Variants in CELF1 observed in about 807,000 individuals in gnomAD.
CELF1 encodes 50 kDa nuclear polyadenylated RNA-binding protein.
CELF1 carries 10 observed loss-of-function variants against 61.8 expected under a neutral mutation model. The observed-to-expected ratio is 0.16, with a 90% CI of 0.10 to 0.27. CELF1 has a LOEUF of 0.27. CELF1 is among the 10% of genes least tolerant of loss of function. The pLI is 1.00. For synonymous variants in CELF1, 236 were observed against 225.1 expected (o/e 1.05, Z -0.43); for missense variants, 380 against 639.1 (o/e 0.59, Z 4.37).
chr11:47,502,908 A>G (rs1390853429), intron 1 of CELF1, among the ~76,000 whole-genome samples: 2 of 152,202 alleles, frequency 1.3e-5, no homozygotes, highest in African/African-American at 4.8e-5. Context: ...AGGAGGGGTT[A>G]TAACCAAGGG....
intron 1 of CELF1, among the ~76,000 whole-genome samples, chr11:47,502,441 G>C (rs1294341839): frequency 1.3e-5 from 2 of 152,110 alleles, no homozygotes; most frequent in Non-Finnish European, 2.9e-5. Context: ...ATACAAAAAT[G>C]CAAATATTAA....
In CELF1 at chr11:47,545,870, C is replaced by CGT. The variant is rs71042682; in HGVS notation, c.-154+7120_-154+7121dup. ...GTATACGTGTGTGTGTGTGTGTCTG[C>CGT]GTGTGTGTGTGTGTGTGTGTGTGTG... is the stretch of plus-strand genomic sequence containing the variant. On this transcript the variant is annotated intron_variant, in intron 1 of 14. Coordinates refer to ENST00000687097, the MANE Select transcript of CELF1 (RefSeq NM_001376376.1). Among the ~76,000 whole-genome samples the CGT allele has an allele frequency of 1.0e-3, 94 of 91,784 alleles. 1 individual carries two copies. Among genetic ancestry groups the CGT allele is most frequent in the African/African-American group, 4.1e-3 (90 of 21,696 alleles). The allele number at this position is 91,784 out of a possible 152,430, so 60.2% of individuals were successfully genotyped here.
chr11:47,472,004 T>A lies in CELF1; in HGVS notation c.*226A>T, dbSNP rs1191992197. On this transcript the variant is annotated 3_prime_UTR_variant, in exon 15 of 15. Coordinates refer to ENST00000687097, the MANE Select transcript of CELF1 (RefSeq NM_001376376.1). ...AAACCTCAGGATATGGCACCTAAAC[T>A]CCAAAGTAAAACACTGGAAACCAAA... 4 of 504,486 alleles carry A rather than the reference T, an allele frequency of 7.9e-6. No individual in the cohort carries two copies. Among genetic ancestry groups the A allele is most frequent in the Non-Finnish European group, 1.4e-5 (4 of 282,086 alleles). 31.3% of individuals were successfully genotyped at this position (504,486 alleles called of 1,614,324 possible).
intron 1 of CELF1, among the ~76,000 whole-genome samples, chr11:47,547,023 T>C (rs1044891782): frequency 8.3e-6 from 1 of 119,948 alleles, no homozygotes; most frequent in Admixed American, 1.1e-4. Context: ...GCCAAGATCA[T>C]GCCATTACTT....
intron 2 of CELF1, among the ~76,000 whole-genome samples, chr11:47,563,359 T>G (rs4752849): frequency 1 from 151,574 of 152,326 alleles, 75,419 homozygotes; most frequent in Middle Eastern, 1. Flanking sequence ...CTCTGCTAAT[T>G]CATAAGGGGC....
At chr11:47,489,974 T>A (rs1363251239) in intron 3 of CELF1, among the ~76,000 whole-genome samples, 1 of 123,584 alleles carries the variant, frequency 8.1e-6, no homozygotes. Flanking sequence ...ATTTCACTCT[T>A]GTTGCCCAGG....
chr11:47,477,334 A>C lies in CELF1; in HGVS notation c.936T>G (p.Thr312=), dbSNP rs973147658. Residue 312 remains threonine (T), a synonymous_variant, in exon 11 of 15, where the codon ACT becomes ACG. Coordinates refer to ENST00000687097, the MANE Select transcript of CELF1 (RefSeq NM_001376376.1). ...GCACGCTGAGGGGACTGCTGGATGT[A>C]GTGAGAGCATTGGTACCACTTGGTG... ...QNTPSGTNAL[T]TSSSPLSVLT... is the part of the protein sequence containing the mutation. 2 of 1,614,012 alleles carry C rather than the reference A, an allele frequency of 1.2e-6. No individual in the cohort carries two copies. Among genetic ancestry groups the C allele is most frequent in the African/African-American group, 2.7e-5 (2 of 74,928 alleles).
intron 1 of CELF1, among the ~76,000 whole-genome samples, chr11:47,508,801 G>C (rs547955765): frequency 6.6e-6 from 1 of 152,074 alleles, no homozygotes. Context: ...ACGGAGTTTC[G>C]CTCTTGTTGC....
At chr11:47,483,650 G>T in intron 7 of CELF1, 118 bp from the exon 8 acceptor site, 1 of 734,676 alleles carries the variant, frequency 1.4e-6, no homozygotes, top group Admixed American at 2.0e-5. Context: ...CCTGTTTTCA[G>T]GGAATCATGT....
rs1298852086 is a variant in CELF1 at position 47,473,248 on chromosome 11, A to G, written c.1274-17T>C. 1.2e-6 allele frequency: 2 copies of G among 1,608,906 alleles called. No homozygotes were observed. Among genetic ancestry groups the G allele is most frequent in the African/African-American group, 2.7e-5 (2 of 74,644 alleles). ...CCTCTGGACCTTCAAAATACCCAGG[A>G]ATTGGAAAAGTATCAGTGTCAAACA... On this transcript the variant is annotated splice_polypyrimidine_tract_variant and intron_variant, in intron 13 of 14. Transcript: ENST00000687097.
At chr11:47,554,194 A>G (rs1253086495), upstream of CELF1, among the ~76,000 whole-genome samples, 1 of 151,810 alleles carries the variant, frequency 6.6e-6, no homozygotes, top group Non-Finnish European at 1.5e-5. Context: ...TTTGGGGGGG[A>G]AAAAAACTAA....
intron 1 of CELF1, among the ~76,000 whole-genome samples, chr11:47,541,462 G>C (rs979172919): frequency 3.3e-5 from 5 of 151,880 alleles, no homozygotes; most frequent in African/African-American, 1.2e-4. Context: ...AGGCCAAGGC[G>C]GGTGGATCTC....
chr11:47,529,283 GGGGACA>G (rs66622503), intron 1 of CELF1, among the ~76,000 whole-genome samples: 42,277 of 151,480 alleles, frequency 0.28, 6,855 homozygotes, highest in Middle Eastern at 0.38. Flanking sequence ...AGACGAGGCC[GGGGACA>G]GTGGCTCCCA....
At chr11:47,479,510 T>C (rs866204008) in intron 9 of CELF1, among the ~76,000 whole-genome samples, 79 of 152,364 alleles carry the variant, frequency 5.2e-4, no homozygotes, top group African/African-American at 1.8e-3. Flanking sequence ...GCTACACATC[T>C]ATCCAACCTT....
At chr11:47,512,829 G>C (rs1336104849) in intron 1 of CELF1, among the ~76,000 whole-genome samples, 1 of 152,138 alleles carries the variant, frequency 6.6e-6, no homozygotes, top group Non-Finnish European at 1.5e-5. Context: ...CTACTCTCAT[G>C]CTCCAGAGAG....
At chr11:47,475,579 C>G in intron 12 of CELF1, 58 bp from the exon 13 acceptor site, 3 of 1,559,388 alleles carry the variant, frequency 1.9e-6, no homozygotes, top group Non-Finnish European at 2.6e-6. Flanking sequence ...ATGCCAAAGA[C>G]AAGTCTACTT....
intron 1 of CELF1, among the ~76,000 whole-genome samples, chr11:47,551,950 T>C (rs1340661710): frequency 6.6e-6 from 1 of 150,562 alleles, no homozygotes; most frequent in East Asian, 1.9e-4. Context: ...CCTGGGGAGG[T>C]TGCAGTGAGC....
At chr11:47,475,957 T>C (rs559914584) in intron 12 of CELF1, among the ~76,000 whole-genome samples, 1 of 152,158 alleles carries the variant, frequency 6.6e-6, no homozygotes, top group Non-Finnish European at 1.5e-5. Context: ...TGTCATCTAC[T>C]GTACTATGCA....
At position 47,486,602 on chromosome 11, in the gene CELF1, G is replaced by C. The variant is rs2087355938; in HGVS notation, c.391+148C>G. On this transcript the variant is annotated intron_variant, in intron 6 of 14. Coordinates refer to ENST00000687097, the MANE Select transcript of CELF1 (RefSeq NM_001376376.1). ...TGTTTGTATTTTTAGTAGAGACGGG[G>C]TTTCACCATGTTGGCCAGACTGGCT... The C allele has an allele frequency of 4.6e-6, 3 of 656,756 alleles. No individual in the cohort carries two copies. The South Asian group carries it at 4.9e-5, about 11-fold the overall frequency. The allele number at this position is 656,756 out of a possible 1,614,324, so 40.7% of individuals were successfully genotyped here. A position where few individuals can be genotyped will look rare whatever the true frequency, so the allele number is the denominator to read the frequency against.
Sources: allele counts gnomAD v4.1 joint callset (sites outside exome capture counted in the v4.1 genomes callset), GRCh38; gene constraint gnomAD v4.1.1; transcripts MANE v1.5; gene names NCBI Gene and HGNC (gene_info 2026-07-23, HGNC 2026-07-21).